The following HMBOX1 variants were observed in gnomAD, a reference collection of about 807,000 sequenced individuals.
The protein encoded by HMBOX1 is homeobox containing 1, also known as homeobox-containing protein 1.
A neutral mutation model predicts 54.5 loss-of-function variants in HMBOX1; 14 were observed. That is an observed-to-expected ratio of 0.26 (90% confidence interval 0.17 to 0.40). The LOEUF (loss-of-function observed/expected upper bound fraction) is 0.40. Among genes scored for constraint, HMBOX1 ranks in the 10% least tolerant of loss-of-function variants. The probability of loss-of-function intolerance (pLI) is 1.00; values close to 1 mark genes in which losing one functional copy is unlikely to be tolerated. For synonymous variants in HMBOX1, 160 were observed against 181.0 expected (o/e 0.88, Z 0.93); for missense variants, 332 against 514.4 (o/e 0.65, Z 3.43).
intron 1 of HMBOX1, among the ~76,000 whole-genome samples, chr8:28,943,849 T>G (rs867195067): frequency 5.3e-5 from 8 of 152,160 alleles, no homozygotes; most frequent in South Asian, 2.1e-4. Flanking sequence ...GATTACAAAG[T>G]CAGTGGTGAC....
intron 1 of HMBOX1, among the ~76,000 whole-genome samples, chr8:28,955,477 C>T (rs946829611): frequency 2.0e-5 from 3 of 152,088 alleles, no homozygotes; most frequent in Non-Finnish European, 4.4e-5. Flanking sequence ...TTTTTAAATC[C>T]TGATCATATT....
chr8:29,003,730 G>A (rs1833024703), intron 4 of HMBOX1, among the ~76,000 whole-genome samples: 1 of 151,528 alleles, frequency 6.6e-6, no homozygotes, highest in Non-Finnish European at 1.5e-5. Flanking sequence ...AATTTTTGTA[G>A]ACAATGCATA....
At chr8:28,933,687 T>G (rs997789870) in intron 1 of HMBOX1, among the ~76,000 whole-genome samples, 1 of 152,190 alleles carries the variant, frequency 6.6e-6, no homozygotes, top group Non-Finnish European at 1.5e-5. Context: ...TCCTGTAAAT[T>G]TGACAACTTT....
At chr8:28,999,731 G>T (rs890549030) in intron 4 of HMBOX1, among the ~76,000 whole-genome samples, 2 of 151,608 alleles carry the variant, frequency 1.3e-5, no homozygotes, top group Non-Finnish European at 2.9e-5. Context: ...TTTCTATTTG[G>T]TTCTTATAAT....
chr8:29,017,271 C>G (rs1292281879), intron 5 of HMBOX1, among the ~76,000 whole-genome samples: 1 of 152,202 alleles, frequency 6.6e-6, no homozygotes, highest in Non-Finnish European at 1.5e-5. Context: ...TGGTTTCCCC[C>G]AGAGCCAGCA....
At chr8:29,030,694 G>T (rs1193353832) in intron 6 of HMBOX1, among the ~76,000 whole-genome samples, 1 of 152,032 alleles carries the variant, frequency 6.6e-6, no homozygotes, top group Non-Finnish European at 1.5e-5. Flanking sequence ...TCCCACCCTA[G>T]AATTAAATCT....
At position 28,960,040 on chromosome 8, in the gene HMBOX1, T is replaced by C. The variant is rs189217612; in HGVS notation, c.-57-3771T>C. ...TCTCTTTTCTCTTTATTAGACTTTC[T>C]GTGTAATTATTTAATAGTCTTTCAA... On this transcript the variant is annotated intron_variant, in intron 1 of 9. Coordinates refer to ENST00000287701, the MANE Select transcript of HMBOX1 (RefSeq NM_001135726.3). Among the ~76,000 whole-genome samples, 704 of 152,142 alleles carry C rather than the reference T, an allele frequency of 4.6e-3. 5 individuals carry two copies. Among genetic ancestry groups the C allele is most frequent in the African/African-American group, 0.016 (656 of 41,564 alleles).
chr8:29,009,333 C>A, intron 5 of HMBOX1, 151 bp downstream of exon 5: 1 of 1,061,858 alleles, frequency 9.4e-7, no homozygotes, highest in Non-Finnish European at 1.3e-6. Flanking sequence ...ACAGTAAAAG[C>A]TAAACCCTGA....
chr8:29,011,724 T>C (rs571268474), intron 5 of HMBOX1, among the ~76,000 whole-genome samples: 1 of 151,420 alleles, frequency 6.6e-6, no homozygotes, highest in Admixed American at 6.6e-5. Flanking sequence ...GTTTTTTTTT[T>C]AAATTATTGT....
chr8:29,023,883 C>T (rs536416740), intron 6 of HMBOX1, among the ~76,000 whole-genome samples: 4 of 152,176 alleles, frequency 2.6e-5, no homozygotes, highest in Non-Finnish European at 5.9e-5. Context: ...CCCTGATGGA[C>T]TGAATCTTAA....
chr8:28,944,580 T>C (rs185410030), intron 1 of HMBOX1, among the ~76,000 whole-genome samples: 27 of 152,332 alleles, frequency 1.8e-4, no homozygotes, highest in African/African-American at 5.8e-4. Context: ...ACTATTCCCA[T>C]TGGATCAAAC....
chr8:29,010,614 A>G (rs570339174), intron 5 of HMBOX1, among the ~76,000 whole-genome samples: 166 of 151,930 alleles, frequency 1.1e-3, no homozygotes, highest in South Asian at 2.1e-3. Context: ...TTTCTATAAA[A>G]AAGTTAAGAT....
At chr8:28,960,753 C>CTTTTTTT (rs1023356056) in intron 1 of HMBOX1, among the ~76,000 whole-genome samples, 6 of 65,652 alleles carry the variant, frequency 9.1e-5, no homozygotes, top group African/African-American at 1.2e-4. Flanking sequence ...TTCTCTTTTT[C>CTTTTTTT]TTTTTCTTTT....
chr8:28,906,878 C>T (rs1814441722), intron 1 of HMBOX1, among the ~76,000 whole-genome samples: 1 of 152,142 alleles, frequency 6.6e-6, no homozygotes, highest in Admixed American at 6.6e-5. Context: ...AGGCGTGAGC[C>T]ACCACACCTG....
intron 5 of HMBOX1, among the ~76,000 whole-genome samples, chr8:29,017,682 T>C (rs1835232904): frequency 1.3e-5 from 2 of 152,130 alleles, no homozygotes; most frequent in Admixed American, 1.3e-4. Context: ...GACAATAGGT[T>C]TGAAAAGCAA....
At chr8:28,901,373 A>T (rs1467374992) in intron 1 of HMBOX1, among the ~76,000 whole-genome samples, 3 of 152,010 alleles carry the variant, frequency 2.0e-5, no homozygotes, top group African/African-American at 7.3e-5. Context: ...TGTTAAAATT[A>T]CCTCTGGTCT....
chr8:28,976,508 C>T (rs1187324588), intron 3 of HMBOX1, among the ~76,000 whole-genome samples: 1 of 152,078 alleles, frequency 6.6e-6, no homozygotes, highest in Non-Finnish European at 1.5e-5. Context: ...GTCTCAGCCT[C>T]CCAAGTAACT....
intron 1 of HMBOX1, among the ~76,000 whole-genome samples, chr8:28,938,818 C>A (rs547462769): frequency 6.6e-6 from 1 of 152,084 alleles, no homozygotes; most frequent in East Asian, 1.9e-4. Context: ...AAATTCAATT[C>A]ACCCCAAAAA....
chr8:28,956,295 G>GT (rs1289176573), intron 1 of HMBOX1, among the ~76,000 whole-genome samples: 1 of 150,950 alleles, frequency 6.6e-6, no homozygotes, highest in African/African-American at 2.4e-5. Flanking sequence ...TACATGTCAT[G>GT]TTTTTTCCAG....
Sources: allele counts gnomAD v4.1 joint callset (sites outside exome capture counted in the v4.1 genomes callset), GRCh38; gene constraint gnomAD v4.1.1; transcripts MANE v1.5; gene names NCBI Gene and HGNC (gene_info 2026-07-23, HGNC 2026-07-21).